The following FRMD7 variants were observed in gnomAD, a reference collection of about 807,000 sequenced individuals.
The protein encoded by FRMD7 is FERM domain-containing protein 7.
A neutral mutation model predicts 44.1 loss-of-function variants in FRMD7; 14 were observed. That is an observed-to-expected ratio of 0.32 (90% CI 0.21 to 0.50). The LOEUF is 0.50. Among genes scored for constraint, FRMD7 ranks in the 20% least tolerant of loss-of-function variants. FRMD7 has a pLI of 0.99. For synonymous variants in FRMD7, 212 were observed against 187.4 expected, an observed-to-expected ratio of 1.13 and a Z score of -1.07; for missense variants, 501 against 522.3, an observed-to-expected ratio of 0.96 and a Z score of 0.40.
intron 1 of FRMD7, among the ~76,000 whole-genome samples, chrX:132,111,362 T>C (rs1928773840): frequency 9.0e-6 from 1 of 111,496 alleles, no homozygotes; most frequent in Admixed American, 9.5e-5. Context: ...GGTCTAGAAC[T>C]CCTGAGTTCA....
At chrX:132,079,751 T>C (rs1033480706) in intron 11 of FRMD7, among the ~76,000 whole-genome samples, 1 of 112,041 alleles carries the variant, frequency 8.9e-6, no homozygotes, top group African/African-American at 3.2e-5. Flanking sequence ...TTTTGCAAGA[T>C]GTTAGCAACA....
At chrX:132,124,856 C>T (rs1177520292) in intron 1 of FRMD7, among the ~76,000 whole-genome samples, 1 of 111,790 alleles carries the variant, frequency 8.9e-6, no homozygotes, top group African/African-American at 3.2e-5. Context: ...ATAGCAGAGT[C>T]TACTGTTCCC....
In FRMD7 at chrX:132,082,417, G is replaced by A; in HGVS notation, c.851C>T (p.Pro284Leu). 8.3e-7 allele frequency: 1 copy of A among 1,209,579 alleles called. No individual in the cohort carries two copies. Among genetic ancestry groups the A allele is most frequent in the Non-Finnish European group, 1.1e-6 (1 of 893,674 alleles). ...YHAFFRLSEEPKSKPKTLLCS... is the reference protein window; with the variant it reads ...YHAFFRLSEELKSKPKTLLCS... Reference sequence around the variant, plus strand: ...GAGTAGGGTTTTGGGCTTTGATTTGGGCTCTTCCGAAAGCCTGAAGAAAGC... The same window carrying A: ...GAGTAGGGTTTTGGGCTTTGATTTGAGCTCTTCCGAAAGCCTGAAGAAAGC... The change falls in exon 9 of 12, where the codon CCC (proline) becomes CTC (leucine). Residue 284 changes from proline to leucine, a missense_variant. Physicochemically the swap from Pro to Leu is moderately conservative, Grantham distance 98 (BLOSUM62 -3). Coordinates refer to ENST00000298542, the MANE Select transcript of FRMD7 (RefSeq NM_194277.3).
At chrX:132,111,950 A>G (rs1928788472) in intron 1 of FRMD7, among the ~76,000 whole-genome samples, 1 of 112,199 alleles carries the variant, frequency 8.9e-6, no homozygotes, top group African/African-American at 3.2e-5. Context: ...TCTGCAGGCT[A>G]CATCCAGGAA....
intron 7 of FRMD7, 49 bp downstream of exon 7, chrX:132,085,532 T>C: frequency 8.6e-7 from 1 of 1,167,022 alleles, no homozygotes; most frequent in Non-Finnish European, 1.2e-6. Context: ...TGAGCCAAGA[T>C]AACCACCCCT....
At chrX:132,107,623 G>GAGAGAGAGAGAGAGAGAC (rs1414292821) in intron 1 of FRMD7, among the ~76,000 whole-genome samples, 1 of 109,548 alleles carries the variant, frequency 9.1e-6, no homozygotes, top group Non-Finnish European at 1.9e-5. Context: ...GAGAGAGAGA[G>GAGAGAGAGAGAGAGAGAC]AGAGAGAGAG....
At chrX:132,121,909 C>T (rs2124030015) in intron 1 of FRMD7, among the ~76,000 whole-genome samples, 1 of 111,285 alleles carries the variant, frequency 9.0e-6, no homozygotes, top group East Asian at 2.8e-4. Context: ...ATGGACCCTT[C>T]CAGGATTAAT....
intron 3 of FRMD7, among the ~76,000 whole-genome samples, chrX:132,098,118 G>A (rs1336226855): frequency 3.6e-5 from 4 of 112,275 alleles, no homozygotes; most frequent in Non-Finnish European, 7.5e-5. Context: ...TGAGACCTGA[G>A]TAGAGTGGCC....
intron 4 of FRMD7, among the ~76,000 whole-genome samples, chrX:132,097,037 A>G (rs1046751169): frequency 5.8e-4 from 64 of 111,003 alleles, no homozygotes; most frequent in African/African-American, 1.8e-3. Flanking sequence ...GTGGATACCC[A>G]GGCTTGAACT....
Position 132,082,505 on chromosome X carries a change from C to T in FRMD7, c.763G>A (p.Glu255Lys). 2 of 1,209,813 alleles carry T rather than the reference C, an allele frequency of 1.7e-6. No homozygotes were observed. Among genetic ancestry groups the T allele is most frequent in the Non-Finnish European group, 2.2e-6 (2 of 893,574 alleles). ...GCATCTCGGCTGGCCATGGTGAACTCCAAGGTATCCTTGCACAACACCTGT... is the reference window on the plus strand; with the variant it reads ...GCATCTCGGCTGGCCATGGTGAACTTCAAGGTATCCTTGCACAACACCTGT... The part of the protein sequence containing the change: ...NILVLCKDTL[E>K]FTMASRDACK... The change falls in exon 9 of 12, where the codon GAG becomes AAG. Residue 255 changes from glutamate to lysine, a missense_variant. Glu to Lys is a moderately conservative substitution (Grantham distance 56). Coordinates refer to ENST00000298542, the MANE Select transcript of FRMD7 (RefSeq NM_194277.3).
chrX:132,095,769 A>G (rs1277899941), intron 4 of FRMD7, among the ~76,000 whole-genome samples: 3 of 112,673 alleles, frequency 2.7e-5, no homozygotes, highest in Non-Finnish European at 5.6e-5. Flanking sequence ...TAAATGGACC[A>G]ATGGGAAACA....
At chrX:132,095,522 G>A (rs1928305760) in intron 4 of FRMD7, among the ~76,000 whole-genome samples, 1 of 112,238 alleles carries the variant, frequency 8.9e-6, no homozygotes, top group Non-Finnish European at 1.9e-5. Flanking sequence ...GCAATGTGGT[G>A]AATCAAAATT....
At chrX:132,117,222 T>G (rs1274208988) in intron 1 of FRMD7, among the ~76,000 whole-genome samples, 1 of 111,937 alleles carries the variant, frequency 8.9e-6, no homozygotes, top group African/African-American at 3.3e-5. Context: ...GGGTTGATAT[T>G]TTGGAGCAAG....
At chrX:132,112,995 G>T (rs765496423) in intron 1 of FRMD7, among the ~76,000 whole-genome samples, 5 of 111,178 alleles carry the variant, frequency 4.5e-5, no homozygotes, top group African/African-American at 9.8e-5. Flanking sequence ...TCACACTAAG[G>T]GGGGCAGGGG....
At chrX:132,119,181 A>G (rs1471805743) in intron 1 of FRMD7, among the ~76,000 whole-genome samples, 1 of 112,399 alleles carries the variant, frequency 8.9e-6, no homozygotes. Flanking sequence ...GGATTCAGTG[A>G]GGACTTGTTA....
intron 1 of FRMD7, among the ~76,000 whole-genome samples, chrX:132,111,265 T>G (rs1268761614): frequency 8.9e-6 from 1 of 112,138 alleles, no homozygotes; most frequent in Non-Finnish European, 1.9e-5. Flanking sequence ...TTTTATCTAT[T>G]TATTTACTTA....
intron 1 of FRMD7, among the ~76,000 whole-genome samples, chrX:132,103,081 C>T (rs1300122217): frequency 9.0e-6 from 1 of 111,724 alleles, no homozygotes; most frequent in Admixed American, 9.5e-5. Context: ...GCTTTCCACC[C>T]CATCTCCGCG....
At chrX:132,111,022 A>G (rs1204147656) in intron 1 of FRMD7, among the ~76,000 whole-genome samples, 2 of 110,890 alleles carry the variant, frequency 1.8e-5, no homozygotes, top group Non-Finnish European at 3.8e-5. Context: ...CTGTCTCTAT[A>G]AAAATTAAAC....
chrX:132,078,966 C>T lies in FRMD7; in HGVS notation c.1051G>A (p.Val351Met). ...PDLLSDVSKQ[V>M]EDLRLAYGGG... ...CCATATGCTAGTCTCAAATCTTCCA[C>T]CTTGAGAGAATGGACACATTGGTGA... The change falls in exon 12 of 12, where the codon GTG becomes ATG. Residue 351 changes from valine (V) to methionine (M), a missense_variant and splice_region_variant. Transcript: ENST00000298542. 8.3e-7 allele frequency: 1 copy of T among 1,206,239 alleles called. No individual in the cohort carries two copies. Among genetic ancestry groups the T allele is most frequent in the Non-Finnish European group, 1.1e-6 (1 of 891,087 alleles).
Sources: allele counts gnomAD v4.1 joint callset (sites outside exome capture counted in the v4.1 genomes callset), GRCh38; gene constraint gnomAD v4.1.1; transcripts MANE v1.5; gene names NCBI Gene and HGNC (gene_info 2026-07-23, HGNC 2026-07-21).